Variants in KLHDC10 observed in about 807,000 individuals in gnomAD.
The protein encoded by KLHDC10 is kelch domain containing 10.
A neutral mutation model predicts 56.1 loss-of-function variants in KLHDC10; 24 were observed. The ratio of observed to expected loss-of-function variants is 0.43; its 90% CI spans 0.31 to 0.60. The LOEUF (loss-of-function observed/expected upper bound fraction) is 0.60, where lower values mean the gene tolerates loss of function less well. KLHDC10 is among the 20% of genes least tolerant of loss of function. The pLI is 0.11. For missense variants in KLHDC10, 349 were observed against 567.0 expected (o/e 0.62, Z 3.91); for synonymous variants, 188 against 207.1 (o/e 0.91, Z 0.79).
chr7:130,116,347 C>T lies in KLHDC10; in HGVS notation c.254-98C>T. The stretch of plus-strand genomic sequence containing the variant: ...AAGTATATCCATGTTATAAATCCTT[C>T]CTGGTCCCCTTTTATGGCTAAAATG... On this transcript the variant is annotated intron_variant, in intron 2 of 9. Transcript: ENST00000335420. This position sits in a 1 kb window ranked among gnomAD's most constrained non-coding sequence, Gnocchi z 4.8. The T allele has an allele frequency of 1.3e-6, 1 of 792,818 alleles. No homozygotes were observed. Among genetic ancestry groups the T allele is most frequent in the Non-Finnish European group, 2.1e-6 (1 of 473,670 alleles). The allele number at this position is 792,818 out of a possible 1,614,324, so 49.1% of individuals were successfully genotyped here.
chr7:130,105,122 A>G lies in KLHDC10; in HGVS notation c.253+8115A>G, dbSNP rs545975610. Among the ~76,000 whole-genome samples, 12 of 152,354 alleles carry G rather than the reference A, an allele frequency of 7.9e-5. No individual in the cohort carries two copies. In the South Asian group the frequency reaches 1.2e-3, roughly 16 times the overall value. ...GGCAATACCAAGTATTGGCAAGGAT[A>G]TGGAACAACAGGAATTCTCACATGC... On this transcript the variant is annotated intron_variant, in intron 2 of 9. Coordinates refer to ENST00000335420, the MANE Select transcript of KLHDC10 (RefSeq NM_014997.4).
chr7:130,088,034 T>C (rs1394557239), intron 1 of KLHDC10, among the ~76,000 whole-genome samples: 1 of 152,066 alleles, frequency 6.6e-6, no homozygotes, highest in Non-Finnish European at 1.5e-5. Flanking sequence ...GTGCTGGAAT[T>C]ACAGGTGTGA....
intron 1 of KLHDC10, among the ~76,000 whole-genome samples, chr7:130,071,232 T>G (rs1349933772): frequency 1.3e-5 from 2 of 152,154 alleles, no homozygotes; most frequent in Admixed American, 6.5e-5. Context: ...GGAGTGATTT[T>G]GTAAAAACTA....
intron 1 of KLHDC10, among the ~76,000 whole-genome samples, chr7:130,080,062 C>T (rs1190889960): frequency 6.6e-6 from 1 of 152,040 alleles, no homozygotes; most frequent in African/African-American, 2.4e-5. Context: ...TTGCTTTAGC[C>T]TCCTAAGTAG....
At chr7:130,072,686 G>GGGGA (rs1373812573) in intron 1 of KLHDC10, among the ~76,000 whole-genome samples, 3 of 152,086 alleles carry the variant, frequency 2.0e-5, no homozygotes, top group African/African-American at 7.2e-5. Context: ...TTTAGGTGAT[G>GGGGA]GGGAGGAATA....
At chr7:130,107,525 A>C (rs907034138) in intron 2 of KLHDC10, among the ~76,000 whole-genome samples, 8 of 152,006 alleles carry the variant, frequency 5.3e-5, no homozygotes, top group Non-Finnish European at 1.0e-4. Context: ...AAAACAATAA[A>C]ACAATGAAAC....
chr7:130,122,988 T>C (rs947669718), intron 5 of KLHDC10, among the ~76,000 whole-genome samples: 3 of 151,600 alleles, frequency 2.0e-5, no homozygotes, highest in Non-Finnish European at 2.9e-5. Flanking sequence ...CTTGCATGGA[T>C]GGATGGGTGA....
chr7:130,074,478 C>A (rs1795469372), intron 1 of KLHDC10, among the ~76,000 whole-genome samples: 1 of 152,034 alleles, frequency 6.6e-6, no homozygotes, highest in Non-Finnish European at 1.5e-5. Context: ...ATGCCATATA[C>A]ATATACATAT....
chr7:130,092,759 A>C (rs1251749878), intron 1 of KLHDC10, among the ~76,000 whole-genome samples: 1 of 152,076 alleles, frequency 6.6e-6, no homozygotes, highest in Non-Finnish European at 1.5e-5. Context: ...CTGCTATGTA[A>C]CTTCTGTGCT....
At position 130,130,442 on chromosome 7, in the gene KLHDC10, A is replaced by C. The variant is rs1002666603; in HGVS notation, c.1120-95A>C. The C allele has an allele frequency of 1.1e-6, 1 of 943,682 alleles. No individual in the cohort carries two copies. Among genetic ancestry groups the C allele is most frequent in the African/African-American group, 1.6e-5 (1 of 61,494 alleles). 58.5% of individuals were successfully genotyped at this position (943,682 alleles called of 1,614,324 possible). A position where few individuals can be genotyped will look rare whatever the true frequency, so the allele number is the denominator to read the frequency against. ...CAGTGAGGAATTCTTGTTTCATTTC[A>C]TTTTGATTCCATCTACTATGCTTTT... On this transcript the variant is annotated intron_variant, in intron 9 of 9. Transcript: ENST00000335420. The surrounding 1 kb of genome is among the most constrained non-coding windows in gnomAD (Gnocchi z 4.2).
intron 2 of KLHDC10, among the ~76,000 whole-genome samples, chr7:130,100,108 TAA>T (rs34550140): frequency 7.0e-6 from 1 of 142,696 alleles, no homozygotes; most frequent in Non-Finnish European, 1.5e-5. Flanking sequence ...CCTGTCTCAT[TAA>T]AAAAAAAAAA....
At position 130,116,477 on chromosome 7, in the gene KLHDC10, C is replaced by A. The variant is rs756014108; in HGVS notation, c.286C>A (p.Arg96Ser). 1 of 1,614,014 alleles carries A rather than the reference C, an allele frequency of 6.2e-7. No homozygotes were observed. The highest frequency in any genetic ancestry group is 1.1e-5 in the South Asian group (1 of 91,052). ...HRPPPARSGH[R>S]CVADNTNLYV... ...ACCTCCACCAGCACGAAGTGGACAT[C>A]GTTGTGTGGCAGATAATACCAACCT... Residue 96 changes from arginine (R) to serine (S), a missense_variant, in exon 3 of 10, where the codon CGT becomes AGT. Arg to Ser is a moderately radical substitution (Grantham distance 110, BLOSUM62 -1). Around this residue, in one of 2 missense-constraint regions of KLHDC10, gnomAD observed 245 missense variants for 470.1 expected, o/e 0.52. Transcript: ENST00000335420. The surrounding 1 kb of genome is among the most constrained non-coding windows in gnomAD (Gnocchi z 4.8).
chr7:130,086,007 C>A (rs1372579956), intron 1 of KLHDC10, among the ~76,000 whole-genome samples: 2 of 152,000 alleles, frequency 1.3e-5, no homozygotes, highest in African/African-American at 4.8e-5. Flanking sequence ...TTAAGAATTT[C>A]AAATGACAAA....
At chr7:130,083,744 T>A (rs1795641677) in intron 1 of KLHDC10, among the ~76,000 whole-genome samples, 1 of 152,234 alleles carries the variant, frequency 6.6e-6, no homozygotes, top group Non-Finnish European at 1.5e-5. Context: ...TGAGACTCCA[T>A]CTCAAAAACA....
intron 6 of KLHDC10, among the ~76,000 whole-genome samples, chr7:130,125,359 T>C (rs1032887720): frequency 6.6e-6 from 1 of 152,060 alleles, no homozygotes; most frequent in East Asian, 1.9e-4. Flanking sequence ...CTGGCCAACA[T>C]AGTGAAACCC....
At chr7:130,129,727 T>C (rs1796370530) in intron 9 of KLHDC10, 151 bp downstream of exon 9, 6 of 691,670 alleles carry the variant, frequency 8.7e-6, no homozygotes, top group Non-Finnish European at 1.4e-5. Flanking sequence ...TAGGCCCTCC[T>C]CTAAGAAAAG....
chr7:130,119,843 T>TAAAAAAAAAAAAAAAAAA, intron 3 of KLHDC10, among the ~76,000 whole-genome samples: 1 of 76,970 alleles, frequency 1.3e-5, no homozygotes, highest in Non-Finnish European at 2.5e-5. Flanking sequence ...GACTCCGTCT[T>TAAAAAAAAAAAAAAAAAA]AAAAAAAAAA....
intron 1 of KLHDC10, among the ~76,000 whole-genome samples, chr7:130,079,182 C>T (rs913891084): frequency 4.0e-5 from 6 of 151,740 alleles, no homozygotes; most frequent in South Asian, 2.1e-4. Context: ...CTCAGCCTCC[C>T]GGGTAGCTGG....
At chr7:130,122,984 T>A (rs1796268132) in intron 5 of KLHDC10, among the ~76,000 whole-genome samples, 1 of 151,842 alleles carries the variant, frequency 6.6e-6, no homozygotes, top group African/African-American at 2.4e-5. Flanking sequence ...GAAGCTTGCA[T>A]GGATGGATGG....
Sources: gnomAD v4.1 joint callset for allele counts (sites outside exome capture counted in the v4.1 genomes callset) on GRCh38, gnomAD v4.1.1 for gene constraint, gnomAD v4.1.1 regional missense constraint, Gnocchi (gnomAD v3.1) non-coding constraint, MANE v1.5 for transcripts, NCBI Gene and HGNC (gene_info 2026-07-23, HGNC 2026-07-21) for gene names.